The following PTPRD variants were observed in gnomAD, a reference collection of about 807,000 sequenced individuals.
The protein encoded by PTPRD is receptor-type tyrosine-protein phosphatase delta.
A neutral mutation model predicts 214.5 loss-of-function variants in PTPRD; 34 were observed. That is an observed-to-expected ratio of 0.16 (90% confidence interval 0.12 to 0.21). The LOEUF is 0.21. Among genes scored for constraint, PTPRD ranks in the 10% least tolerant of loss-of-function variants. The pLI is 1.00. For synonymous variants in PTPRD, 1,128 were observed against 845.7 expected (o/e 1.33, Z -5.79); for missense variants, 2,545 against 2,398.7 (o/e 1.06, Z -1.27).
chr9:8,912,466 G>C (rs1274293306), intron 11 of PTPRD, among the ~76,000 whole-genome samples: 1 of 152,116 alleles, frequency 6.6e-6, no homozygotes, highest in Non-Finnish European at 1.5e-5. Context: ...AACCTACGGA[G>C]ACAGAAAACA....
intron 2 of PTPRD, among the ~76,000 whole-genome samples, chr9:10,524,554 A>G (rs1173441735): frequency 6.6e-6 from 1 of 152,066 alleles, no homozygotes; most frequent in Non-Finnish European, 1.5e-5. Context: ...CAAATCCTTT[A>G]TGAAGTCAAT....
At chr9:8,406,743 G>A (rs1226898242) in intron 35 of PTPRD, among the ~76,000 whole-genome samples, 2 of 152,154 alleles carry the variant, frequency 1.3e-5, no homozygotes, top group Non-Finnish European at 2.9e-5. Flanking sequence ...AAACTTCATT[G>A]TACAGTATAC....
chr9:10,420,986 T>G (rs1398850158), intron 2 of PTPRD, among the ~76,000 whole-genome samples: 1 of 151,864 alleles, frequency 6.6e-6, no homozygotes, highest in Admixed American at 6.6e-5. Flanking sequence ...TTCCAATCAT[T>G]TGGCTTCCCT....
intron 12 of PTPRD, among the ~76,000 whole-genome samples, chr9:8,652,208 A>G (rs1257982766): frequency 1.3e-5 from 2 of 152,206 alleles, no homozygotes; most frequent in Non-Finnish European, 2.9e-5. Context: ...ACTATTTACC[A>G]ATATAGAATG....
At chr9:8,771,810 G>T (rs971479288) in intron 11 of PTPRD, among the ~76,000 whole-genome samples, 1 of 149,742 alleles carries the variant, frequency 6.7e-6, no homozygotes, top group Non-Finnish European at 1.5e-5. Context: ...TGTGACCTGT[G>T]CATGGCTTTA....
chr9:10,516,308 A>C (rs1377818812), intron 2 of PTPRD, among the ~76,000 whole-genome samples: 1 of 151,748 alleles, frequency 6.6e-6, no homozygotes. Flanking sequence ...TTTGATTTGC[A>C]CTTCTTGACA....
At chr9:10,346,061 G>A (rs1191810772) in intron 2 of PTPRD, among the ~76,000 whole-genome samples, 1 of 152,006 alleles carries the variant, frequency 6.6e-6, no homozygotes. Context: ...GAAAATATAT[G>A]GAATTTAAGC....
chr9:8,423,709 A>C (rs1395443573), intron 35 of PTPRD, among the ~76,000 whole-genome samples: 1 of 152,130 alleles, frequency 6.6e-6, no homozygotes, highest in African/African-American at 2.4e-5. Context: ...ACAAGTAGGT[A>C]GACTCTGGTC....
chr9:8,686,306 T>C (rs1426315545), intron 12 of PTPRD, among the ~76,000 whole-genome samples: 2 of 152,212 alleles, frequency 1.3e-5, no homozygotes, highest in Non-Finnish European at 2.9e-5. Context: ...GAATTCAGAT[T>C]TGAACACAGC....
intron 11 of PTPRD, among the ~76,000 whole-genome samples, chr9:9,012,672 T>A (rs1026615216): frequency 1.3e-5 from 2 of 152,186 alleles, no homozygotes; most frequent in African/African-American, 4.8e-5. Context: ...CAGAATAGTA[T>A]TGAAATTTTT....
At chr9:10,512,904 A>C (rs1034426096) in intron 2 of PTPRD, among the ~76,000 whole-genome samples, 1 of 152,224 alleles carries the variant, frequency 6.6e-6, no homozygotes, top group East Asian at 1.9e-4. Context: ...AAAGAAAAAA[A>C]AATAATTTAA....
At chr9:9,465,277 T>C (rs868222265) in intron 8 of PTPRD, among the ~76,000 whole-genome samples, 1 of 152,328 alleles carries the variant, frequency 6.6e-6, no homozygotes, top group Non-Finnish European at 1.5e-5. Flanking sequence ...AAAGAAAAGA[T>C]GCAACTCTTA....
At chr9:9,680,954 G>C (rs1194760989) in intron 7 of PTPRD, among the ~76,000 whole-genome samples, 2 of 151,614 alleles carry the variant, frequency 1.3e-5, no homozygotes, top group South Asian at 2.1e-4. Flanking sequence ...CAATCTTCAC[G>C]AATATATCAC....
At chr9:9,928,719 T>C (rs1408897989) in intron 5 of PTPRD, among the ~76,000 whole-genome samples, 1 of 149,530 alleles carries the variant, frequency 6.7e-6, no homozygotes, top group Non-Finnish European at 1.5e-5. Context: ...ACAAACTTAA[T>C]TTCACACCTA....
At chr9:10,141,362 A>G (rs1313752520) in intron 3 of PTPRD, among the ~76,000 whole-genome samples, 1 of 152,166 alleles carries the variant, frequency 6.6e-6, no homozygotes, top group African/African-American at 2.4e-5. Flanking sequence ...CCATTGTCTC[A>G]GCCCAAAATC....
At chr9:8,371,963 T>C (rs563902275) in intron 39 of PTPRD, among the ~76,000 whole-genome samples, 2 of 152,144 alleles carry the variant, frequency 1.3e-5, no homozygotes, top group South Asian at 2.1e-4. Flanking sequence ...AATGCAATGA[T>C]AAGCAGTTCA....
intron 14 of PTPRD, among the ~76,000 whole-genome samples, chr9:8,611,031 T>C (rs1006285222): frequency 1.2e-4 from 19 of 152,218 alleles, no homozygotes; most frequent in Admixed American, 6.5e-4. Flanking sequence ...AAATTTATGG[T>C]TTATTCTTTT....
Position 8,526,311 on chromosome 9 carries a change from G to GA in PTPRD, c.568+315dup, listed in dbSNP as rs887496148. On this transcript the variant is annotated intron_variant, in intron 17 of 45. Transcript: ENST00000381196. Reference sequence around the variant, plus strand: ...AAGGAAAAAGGAAGAAGAAGAAAAGGAAAAAAAAAGAGGGACAGATGGTAC... The same window carrying GA: ...AAGGAAAAAGGAAGAAGAAGAAAAGGAAAAAAAAAAGAGGGACAGATGGTAC... Among the ~76,000 whole-genome samples, 19 of 148,278 alleles carry GA rather than the reference G, an allele frequency of 1.3e-4. No homozygotes were observed. The South Asian group carries it at 2.2e-3, about 17-fold the overall frequency.
At chr9:8,826,297 A>G (rs1194575697) in intron 11 of PTPRD, among the ~76,000 whole-genome samples, 1 of 152,070 alleles carries the variant, frequency 6.6e-6, no homozygotes, top group Non-Finnish European at 1.5e-5. Flanking sequence ...CATCCAGAAT[A>G]ATTTATATAT....
Sources: allele counts gnomAD v4.1 joint callset (sites outside exome capture counted in the v4.1 genomes callset), GRCh38; gene constraint gnomAD v4.1.1; transcripts MANE v1.5; gene names NCBI Gene and HGNC (gene_info 2026-07-23, HGNC 2026-07-21).